The following PLCB4 variants were observed in gnomAD, a reference collection of about 807,000 sequenced individuals.
PLCB4 encodes phospholipase C beta 4.
Under a neutral mutation model 178.8 loss-of-function variants are expected in PLCB4, and 77 were observed. The ratio of observed to expected loss-of-function variants is 0.43; its 90% CI spans 0.36 to 0.52. The LOEUF (loss-of-function observed/expected upper bound fraction) is 0.52. PLCB4 is among the 20% of genes least tolerant of loss of function. PLCB4 has a pLI of 0.00. For synonymous variants in PLCB4, 496 were observed against 490.8 expected, an observed-to-expected ratio of 1.01 and a Z score of -0.14; for missense variants, 1,024 against 1,453.4, an observed-to-expected ratio of 0.70 and a Z score of 4.80.
At chr20:9,354,646 T>C (rs2034632270) in intron 7 of PLCB4, among the ~76,000 whole-genome samples, 1 of 152,222 alleles carries the variant, frequency 6.6e-6, no homozygotes, top group East Asian at 1.9e-4. Context: ...TGGAACTACC[T>C]TTTCTTTGGT....
At chr20:9,222,244 C>T (rs1568974539) in intron 3 of PLCB4, among the ~76,000 whole-genome samples, 1 of 152,050 alleles carries the variant, frequency 6.6e-6, no homozygotes, top group Non-Finnish European at 1.5e-5. Flanking sequence ...TATGCACTAC[C>T]ATACCTGGCT....
At chr20:9,134,397 T>C (rs1413936374) in intron 2 of PLCB4, among the ~76,000 whole-genome samples, 1 of 152,202 alleles carries the variant, frequency 6.6e-6, no homozygotes, top group Non-Finnish European at 1.5e-5. Context: ...AAATTTATAA[T>C]TGCATTAATT....
chr20:9,237,575 G>A (rs976915864), intron 3 of PLCB4, among the ~76,000 whole-genome samples: 7 of 152,192 alleles, frequency 4.6e-5, no homozygotes, highest in African/African-American at 1.4e-4. Flanking sequence ...TCAGCCATCT[G>A]TGTTTTCACA....
At chr20:9,170,431 T>C (rs1009777030) in intron 2 of PLCB4, among the ~76,000 whole-genome samples, 1 of 152,174 alleles carries the variant, frequency 6.6e-6, no homozygotes, top group Non-Finnish European at 1.5e-5. Context: ...TTTTATGAGA[T>C]GGCTGGTGAG....
At chr20:9,206,299 C>CTTTTTTTTTTT (rs71184138) in intron 2 of PLCB4, among the ~76,000 whole-genome samples, 4 of 96,126 alleles carry the variant, frequency 4.2e-5, no homozygotes, top group Non-Finnish European at 8.2e-5. Flanking sequence ...TTTCTTTTTT[C>CTTTTTTTTTTT]TTTTTTTTTT....
At chr20:9,406,560 C>T (rs1026289144) in intron 21 of PLCB4, among the ~76,000 whole-genome samples, 1 of 151,434 alleles carries the variant, frequency 6.6e-6, no homozygotes, top group African/African-American at 2.4e-5. Context: ...GTGATCTCCG[C>T]TCACTGAAAG....
intron 15 of PLCB4, 36 bp from the exon 16 acceptor site, chr20:9,389,843 C>T (rs773999777): frequency 1.2e-5 from 12 of 1,042,348 alleles, no homozygotes; most frequent in Middle Eastern, 4.3e-4. Flanking sequence ...TTTTTTTGCT[C>T]TTTTCTCTCA....
chr20:9,316,874 T>C (rs1470841647), intron 4 of PLCB4, among the ~76,000 whole-genome samples: 3 of 152,172 alleles, frequency 2.0e-5, no homozygotes, highest in Non-Finnish European at 4.4e-5. Flanking sequence ...GCTGATAATA[T>C]TATCTGGTCT....
chr20:9,253,976 A>C (rs1053006385), intron 3 of PLCB4, among the ~76,000 whole-genome samples: 8 of 152,228 alleles, frequency 5.3e-5, no homozygotes, highest in African/African-American at 1.9e-4. Context: ...ATGTTAGAGC[A>C]AAAGTATGTT....
intron 2 of PLCB4, among the ~76,000 whole-genome samples, chr20:9,154,573 C>G (rs1298636265): frequency 1.6e-4 from 25 of 152,162 alleles, no homozygotes; most frequent in Non-Finnish European, 1.5e-5. Context: ...ACTCTGGCCC[C>G]CTTTCCTGGG....
intron 3 of PLCB4, among the ~76,000 whole-genome samples, chr20:9,224,043 G>C (rs2093832596): frequency 6.6e-6 from 1 of 152,182 alleles, no homozygotes; most frequent in Non-Finnish European, 1.5e-5. Flanking sequence ...GGTTGACCTT[G>C]GGTACCTGAA....
intron 33 of PLCB4, among the ~76,000 whole-genome samples, chr20:9,453,964 T>A (rs1256719999): frequency 6.6e-6 from 1 of 152,182 alleles, no homozygotes. Flanking sequence ...CCACAGTGAT[T>A]TTTCACATTT....
rs541867197 is a variant in PLCB4 at position 9,360,810 on chromosome 20, C to T, written c.370-2086C>T. 2.0e-5 allele frequency among the ~76,000 whole-genome samples: 3 copies of T among 152,310 alleles called. No individual in the cohort carries two copies. The East Asian group carries it at 5.8e-4, about 29-fold the overall frequency. On this transcript the variant is annotated intron_variant, in intron 7 of 39. Coordinates refer to ENST00000378473, the MANE Select transcript of PLCB4 (RefSeq NM_001377142.1). The stretch of plus-strand genomic sequence containing the variant: ...CCACTATGATGCTTGCTGAGGCTTT[C>T]GATGCTATTTACAGCTCTGCTTTTG...
chr20:9,414,041 T>G (rs965805358), intron 25 of PLCB4, among the ~76,000 whole-genome samples: 1 of 152,238 alleles, frequency 6.6e-6, no homozygotes, highest in Non-Finnish European at 1.5e-5. Flanking sequence ...CATGAGCTAC[T>G]ATGCCTGACC....
intron 34 of PLCB4, among the ~76,000 whole-genome samples, 178 bp downstream of exon 34, chr20:9,457,667 T>G (rs2043140546): frequency 6.6e-6 from 1 of 152,206 alleles, no homozygotes; most frequent in Admixed American, 6.5e-5. Context: ...TCACTGGCTT[T>G]AAGAAGAGCC....
In PLCB4 at chr20:9,208,878, C is replaced by T. The variant is rs78307965; in HGVS notation, c.-78-8512C>T. Among the ~76,000 whole-genome samples, 623 of 152,310 alleles carry T rather than the reference C, an allele frequency of 4.1e-3. 2 individuals are homozygous for T. The highest frequency in any genetic ancestry group is 4.8e-3 in the Non-Finnish European group (324 of 68,026). ...AAATATTAGTGTGGTTATGTATATG[C>T]TGCCTCTGTGTAACTTCCCAATAAT... is the stretch of plus-strand genomic sequence containing the variant. On this transcript the variant is annotated intron_variant, in intron 2 of 39. Transcript: ENST00000378473.
intron 7 of PLCB4, among the ~76,000 whole-genome samples, chr20:9,342,061 C>T (rs55991794): frequency 0.067 from 10,146 of 152,078 alleles, 362 homozygotes; most frequent in Middle Eastern, 0.096. Flanking sequence ...GTACATTTTT[C>T]CACCAAATAT....
intron 32 of PLCB4, among the ~76,000 whole-genome samples, chr20:9,445,011 T>C (rs2042329680): frequency 6.6e-6 from 1 of 152,184 alleles, no homozygotes. Context: ...AATAGATTTA[T>C]TTTTGCTTTT....
chr20:9,320,038 A>G (rs1429434173), intron 4 of PLCB4, among the ~76,000 whole-genome samples: 3 of 152,214 alleles, frequency 2.0e-5, no homozygotes, highest in Non-Finnish European at 4.4e-5. Flanking sequence ...CCAAGAAAGA[A>G]TTAGAGGTGA....
Sources: gnomAD v4.1 joint callset for allele counts (sites outside exome capture counted in the v4.1 genomes callset) on GRCh38, gnomAD v4.1.1 for gene constraint, MANE v1.5 for transcripts, NCBI Gene and HGNC (gene_info 2026-07-23, HGNC 2026-07-21) for gene names.